PPFIBP2: variants seen among roughly 807,000 people sequenced by gnomAD.
PPFIBP2 encodes the protein PPFIB scaffold protein 2, also known as liprin-beta-2.
Under a neutral mutation model 118.3 loss-of-function variants are expected in PPFIBP2, and 118 were observed. The observed-to-expected ratio is 1.00, with a 90% CI of 0.86 to 1.16. PPFIBP2 has a LOEUF of 1.16. Ranked by LOEUF, PPFIBP2 falls within the 50% of genes most tolerant of loss-of-function variation. The pLI is 0.00. For synonymous variants in PPFIBP2, 414 were observed against 397.4 expected (o/e 1.04, Z -0.50); for missense variants, 1,195 against 1,073.1 (o/e 1.11, Z -1.59).
At chr11:7,531,509 G>A (rs537369443) in intron 1 of PPFIBP2, among the ~76,000 whole-genome samples, 61 of 152,330 alleles carry the variant, frequency 4.0e-4, no homozygotes, top group Non-Finnish European at 8.1e-4. Flanking sequence ...ATTGGGAACT[G>A]TGCTTACCTT....
intron 2 of PPFIBP2, among the ~76,000 whole-genome samples, chr11:7,564,309 G>A (rs1191793822): frequency 1.3e-5 from 2 of 152,200 alleles, no homozygotes; most frequent in Non-Finnish European, 2.9e-5. Context: ...CATTTTGTCA[G>A]ATTCCTTTTC....
At chr11:7,544,557 G>A (rs57485625) in intron 1 of PPFIBP2, among the ~76,000 whole-genome samples, 1,976 of 151,820 alleles carry the variant, frequency 0.013, 67 homozygotes, top group African/African-American at 0.045. Context: ...GGTGGATCAC[G>A]AGGTCAGGAG....
At chr11:7,568,509 T>C (rs1442592488) in intron 3 of PPFIBP2, among the ~76,000 whole-genome samples, 1 of 152,332 alleles carries the variant, frequency 6.6e-6, no homozygotes, top group African/African-American at 2.4e-5. Context: ...CCTAGCAGAC[T>C]TCCCATTTAG....
At chr11:7,663,595 CTT>C in the PPFIBP2 span, among the ~76,000 whole-genome samples, 2 of 152,218 alleles carry the variant, frequency 1.3e-5, no homozygotes, top group African/African-American at 2.4e-5. Flanking sequence ...TTACTTCTGT[CTT>C]TTTGTTTGTC....
At chr11:7,644,820 G>A (rs1278780224) in intron 17 of PPFIBP2, among the ~76,000 whole-genome samples, 2 of 151,726 alleles carry the variant, frequency 1.3e-5, no homozygotes, top group African/African-American at 4.8e-5. Flanking sequence ...GAGGTCAGGA[G>A]ATCGAGACCA....
chr11:7,601,788 C>G (rs181034947), intron 5 of PPFIBP2, among the ~76,000 whole-genome samples: 1 of 152,020 alleles, frequency 6.6e-6, no homozygotes, highest in Admixed American at 6.6e-5. Flanking sequence ...GGTGAAACCC[C>G]GTCTCTACTA....
intron 1 of PPFIBP2, among the ~76,000 whole-genome samples, chr11:7,519,383 A>G (rs1849528125): frequency 6.6e-6 from 1 of 152,210 alleles, no homozygotes. Flanking sequence ...CTGAGTGCCA[A>G]AAGGCCTGGA....
intron 18 of PPFIBP2, 82 bp downstream of exon 18, chr11:7,648,619 A>T: frequency 1.9e-6 from 3 of 1,557,518 alleles, no homozygotes; most frequent in Non-Finnish European, 2.6e-6. Flanking sequence ...CCTGTCACAC[A>T]TACACACAGG....
chr11:7,568,724 G>C (rs1219694251), intron 3 of PPFIBP2: 3 of 152,178 alleles, frequency 2.0e-5, no homozygotes, highest in Admixed American at 2.0e-4. Flanking sequence ...ACTCTTGTTG[G>C]CTGACAAATT....
intron 6 of PPFIBP2, chr11:7,617,387 A>G (rs2135565957): frequency 1.2e-6 from 1 of 805,630 alleles, no homozygotes. Flanking sequence ...AACAGAGTGC[A>G]GTGGCTTGGC....
intron 4 of PPFIBP2, 99 bp from the exon 5 acceptor site, chr11:7,597,461 A>G: frequency 1.2e-5 from 18 of 1,533,848 alleles, no homozygotes; most frequent in Non-Finnish European, 1.4e-5. Flanking sequence ...TGTGTGTAAG[A>G]GTCAGTGGTG....
intron 7 of PPFIBP2, among the ~76,000 whole-genome samples, chr11:7,624,314 A>T (rs1235448282): frequency 6.6e-6 from 1 of 152,202 alleles, no homozygotes; most frequent in East Asian, 1.9e-4. Flanking sequence ...TTTCTCCCTG[A>T]TGACTTACGG....
the PPFIBP2 span, among the ~76,000 whole-genome samples, chr11:7,664,541 T>TCTTTGGA: frequency 2.0e-5 from 3 of 152,172 alleles, no homozygotes; most frequent in South Asian, 6.2e-4. Context: ...AACCAACATG[T>TCTTTGGA]CTTTGGACTT....
chr11:7,578,481 A>C (rs1210269990), intron 3 of PPFIBP2, among the ~76,000 whole-genome samples: 1 of 152,190 alleles, frequency 6.6e-6, no homozygotes, highest in Non-Finnish European at 1.5e-5. Flanking sequence ...CGACTCCCGG[A>C]CACTGAGCTG....
chr11:7,665,211 G>C, the PPFIBP2 span: 2 of 566,920 alleles, frequency 3.5e-6, no homozygotes, highest in Non-Finnish European at 3.0e-6. Context: ...CCAGCCCCTT[G>C]AGCCCTTTTT....
chr11:7,655,266 G>A (rs1346380901), downstream of PPFIBP2: 3 of 405,760 alleles, frequency 7.4e-6, no homozygotes, highest in African/African-American at 2.1e-5. Flanking sequence ...AGCAGCATGT[G>A]CTCCACCCAC....
At chr11:7,666,750 T>G in the PPFIBP2 span, 1 of 474,240 alleles carries the variant, frequency 2.1e-6, no homozygotes, top group Non-Finnish European at 3.8e-6. Context: ...AGTTCCTCCA[T>G]GTGGATGAAG....
intron 6 of PPFIBP2, chr11:7,617,431 A>G (rs1309604487): frequency 2.1e-6 from 1 of 469,168 alleles, no homozygotes; most frequent in Non-Finnish European, 2.8e-6. Context: ...CAGAGCTTGG[A>G]CTCACTCAAT....
intron 3 of PPFIBP2, among the ~76,000 whole-genome samples, chr11:7,592,808 G>T (rs945602760): frequency 6.6e-6 from 1 of 152,182 alleles, no homozygotes; most frequent in Admixed American, 6.5e-5. Flanking sequence ...GCCTCTGGAG[G>T]CTGTGCCTCT....
Sources: allele counts gnomAD v4.1 joint callset (sites outside exome capture counted in the v4.1 genomes callset), GRCh38; gene constraint gnomAD v4.1.1; transcripts MANE v1.5; gene names NCBI Gene and HGNC (gene_info 2026-07-23, HGNC 2026-07-21).